DNAJC6: variants seen among roughly 807,000 people sequenced by gnomAD.
DNAJC6 encodes the protein DnaJ heat shock protein family (Hsp40) member C6.
A neutral mutation model predicts 110.0 loss-of-function variants in DNAJC6; 34 were observed. That is an observed-to-expected ratio of 0.31 (90% CI 0.24 to 0.41). The LOEUF is 0.41. Ranked by LOEUF, DNAJC6 falls within the 10% of genes least tolerant of loss-of-function variation. DNAJC6 has a pLI of 1.00. For missense variants in DNAJC6, 1,031 were observed against 1,207.8 expected (o/e 0.85, Z 2.17); for synonymous variants, 406 against 437.2 (o/e 0.93, Z 0.89).
At chr1:65,374,953 C>T (rs1015723503) in intron 4 of DNAJC6, among the ~76,000 whole-genome samples, 35 of 150,536 alleles carry the variant, frequency 2.3e-4, no homozygotes, top group African/African-American at 8.4e-4. Context: ...AGGTATGTTC[C>T]TTCTGTATCT....
chr1:65,411,459 C>T (rs201804405), intron 18 of DNAJC6, 33 bp downstream of exon 18: 4 of 1,587,064 alleles, frequency 2.5e-6, no homozygotes, highest in East Asian at 2.3e-5. Flanking sequence ...TGTAACTTGT[C>T]AGGTCCTTGC....
At chr1:65,384,400 A>T in intron 6 of DNAJC6, 74 bp downstream of exon 6, 2 of 1,289,814 alleles carry the variant, frequency 1.6e-6, no homozygotes, top group Non-Finnish European at 2.0e-6. Flanking sequence ...AATCTGCCTT[A>T]CAAATCCTTT....
In DNAJC6 at chr1:65,392,879, TG is replaced by T; in HGVS notation, c.1903+15del. On this transcript the variant is annotated intron_variant, in intron 12 of 18. Transcript: ENST00000371069. ...GAGTGGGAGAAGGTAATTTTTTCTA[TG>T]TTGCACTGTGCCTCTCAGATTTGAA... 1 of 1,493,696 alleles carries T rather than the reference TG, an allele frequency of 6.7e-7. No individual in the cohort carries two copies. The highest frequency in any genetic ancestry group is 8.9e-7 in the Non-Finnish European group (1 of 1,121,886). 92.5% of individuals were successfully genotyped at this position (1,493,696 alleles called of 1,614,324 possible).
At chr1:65,399,146 T>C (rs568601091) in intron 14 of DNAJC6, among the ~76,000 whole-genome samples, 2 of 152,324 alleles carry the variant, frequency 1.3e-5, no homozygotes, top group East Asian at 3.9e-4. Context: ...TAAATATATA[T>C]CAAACTCTAT....
At chr1:65,368,733 T>TCTC (rs1645676269) in intron 4 of DNAJC6, among the ~76,000 whole-genome samples, 1 of 20,472 alleles carries the variant, frequency 4.9e-5, no homozygotes, top group Non-Finnish European at 6.9e-5. Flanking sequence ...TTCTTCTTCT[T>TCTC]CTTCCCCCTC....
At chr1:65,273,468 A>G (rs749750635) in intron 1 of DNAJC6, among the ~76,000 whole-genome samples, 2 of 151,982 alleles carry the variant, frequency 1.3e-5, no homozygotes, top group Non-Finnish European at 2.9e-5. Context: ...GCACGGTGGT[A>G]TGTGCCTGTG....
intron 1 of DNAJC6, among the ~76,000 whole-genome samples, chr1:65,331,267 CAAAGCAGGATCTCCCAGAA>C (rs1645286598): frequency 6.6e-6 from 1 of 152,174 alleles, no homozygotes; most frequent in Non-Finnish European, 1.5e-5. Context: ...GGAAAAGTGG[CAAAGCAGGATCTCCCAGAA>C]ATTCTCAGGA....
intron 16 of DNAJC6, among the ~76,000 whole-genome samples, chr1:65,408,301 G>T (rs1468861209): frequency 6.6e-6 from 1 of 152,204 alleles, no homozygotes; most frequent in Admixed American, 6.5e-5. Flanking sequence ...ACCAAACCGA[G>T]ATCCCAGTGC....
intron 1 of DNAJC6, among the ~76,000 whole-genome samples, chr1:65,271,568 A>G (rs1200560058): frequency 5.3e-5 from 8 of 152,078 alleles, no homozygotes. Flanking sequence ...CCTGGGATGT[A>G]GAAATAGAAT....
At chr1:65,338,882 G>A (rs191983582) in intron 1 of DNAJC6, among the ~76,000 whole-genome samples, 19 of 152,276 alleles carry the variant, frequency 1.2e-4, no homozygotes, top group Non-Finnish European at 2.4e-4. Context: ...ACCTGGCCCC[G>A]AGTGCCCTTC....
chr1:65,288,517 A>C (rs1380107383), intron 1 of DNAJC6, among the ~76,000 whole-genome samples: 1 of 152,308 alleles, frequency 6.6e-6, no homozygotes, highest in East Asian at 1.9e-4. Flanking sequence ...ATGATTTGTG[A>C]GTGTGTGTAT....
chr1:65,274,274 C>T (rs1390712436), intron 1 of DNAJC6, among the ~76,000 whole-genome samples: 3 of 151,936 alleles, frequency 2.0e-5, no homozygotes, highest in Non-Finnish European at 4.4e-5. Context: ...TTAATAGATA[C>T]ATGGTAGATC....
chr1:65,346,430 G>A (rs1325610), intron 1 of DNAJC6, among the ~76,000 whole-genome samples: 7,047 of 152,020 alleles, frequency 0.046, 294 homozygotes, highest in East Asian at 0.18. Context: ...GAGAGTAAGA[G>A]AATTTGGTAA....
chr1:65,303,705 CG>C (rs577493388), intron 1 of DNAJC6, among the ~76,000 whole-genome samples: 77 of 152,088 alleles, frequency 5.1e-4, no homozygotes, highest in Non-Finnish European at 1.0e-3. Flanking sequence ...GCTACAGGCA[CG>C]TGGCACCATG....
intron 2 of DNAJC6, 70 bp downstream of exon 2, chr1:65,364,855 G>A: frequency 6.4e-7 from 1 of 1,565,926 alleles, no homozygotes; most frequent in Non-Finnish European, 8.7e-7. Context: ...CCTGCTGACT[G>A]CTTGTCTGGC....
chr1:65,347,693 T>G (rs2101506719), intron 1 of DNAJC6, among the ~76,000 whole-genome samples: 1 of 152,026 alleles, frequency 6.6e-6, no homozygotes, highest in South Asian at 2.1e-4. Context: ...CCCCGTTGTC[T>G]CCCCTCCCCT....
intron 1 of DNAJC6, among the ~76,000 whole-genome samples, chr1:65,356,087 A>G (rs993215984): frequency 2.0e-5 from 3 of 151,858 alleles, no homozygotes; most frequent in Non-Finnish European, 4.4e-5. Flanking sequence ...GCTGACATAA[A>G]GCCTGTATTT....
chr1:65,364,628 T>TTTTTG lies in DNAJC6; in HGVS notation c.194-6_194-5insTTTGT. 1 of 1,555,352 alleles carries TTTTTG rather than the reference T, an allele frequency of 6.4e-7. No individual in the cohort carries two copies. The highest frequency in any genetic ancestry group is 2.2e-5 in the Admixed American group (1 of 46,386). ...TTTGTTTGTTTGTTTTTTTTTTTTT[T>TTTTTG]TGGCAGGTGCCTCATCTCCAGACAT... On this transcript the variant is annotated splice_region_variant and splice_polypyrimidine_tract_variant and intron_variant, in intron 1 of 18. Transcript: ENST00000371069.
At chr1:65,290,756 A>G (rs929325512) in intron 1 of DNAJC6, among the ~76,000 whole-genome samples, 7 of 152,218 alleles carry the variant, frequency 4.6e-5, no homozygotes, top group Non-Finnish European at 8.8e-5. Context: ...TGTAAGCATC[A>G]TGACTATCTA....
Sources: gnomAD v4.1 joint callset for allele counts (sites outside exome capture counted in the v4.1 genomes callset) on GRCh38, gnomAD v4.1.1 for gene constraint, MANE v1.5 for transcripts, NCBI Gene and HGNC (gene_info 2026-07-23, HGNC 2026-07-21) for gene names.